MASP1: variants seen among roughly 807,000 people sequenced by gnomAD.
MASP1 encodes mannan-binding lectin serine protease 1.
Under a neutral mutation model 77.1 loss-of-function variants are expected in MASP1, and 59 were observed. The observed-to-expected ratio is 0.77, with a 90% CI of 0.62 to 0.95. The LOEUF (loss-of-function observed/expected upper bound fraction) is 0.95, where lower values mean the gene tolerates loss of function less well. MASP1 is among the 40% of genes least tolerant of loss of function. MASP1 has a pLI of 0.00. For synonymous variants in MASP1, 362 were observed against 354.5 expected, an observed-to-expected ratio of 1.02 and a Z score of -0.24; for missense variants, 885 against 912.9, an observed-to-expected ratio of 0.97 and a Z score of 0.39.
chr3:187,223,878 T>C (rs973163344), intron 13 of MASP1, among the ~76,000 whole-genome samples: 5 of 152,244 alleles, frequency 3.3e-5, no homozygotes, highest in Non-Finnish European at 7.3e-5. Context: ...ACAAGCTGCA[T>C]CTCGGGTGAG....
intron 8 of MASP1, chr3:187,247,501 T>C (rs1449183758): frequency 9.9e-6 from 11 of 1,109,750 alleles, no homozygotes; most frequent in African/African-American, 1.5e-5. Context: ...ATGCAGGAAA[T>C]ACAGAAATTA....
intron 2 of MASP1, among the ~76,000 whole-genome samples, chr3:187,272,067 T>C (rs529423958): frequency 6.7e-6 from 1 of 149,584 alleles, no homozygotes; most frequent in African/African-American, 2.5e-5. Flanking sequence ...TTTGTGACTG[T>C]GAAGTCCAAG....
At chr3:187,244,531 T>A (rs2108527296) in intron 8 of MASP1, 1 of 152,320 alleles carries the variant, frequency 6.6e-6, no homozygotes, top group African/African-American at 2.4e-5. Flanking sequence ...GAATCATAGA[T>A]GAATCATAGA....
downstream of MASP1, among the ~76,000 whole-genome samples, chr3:187,231,055 G>A (rs1011617784): frequency 6.6e-6 from 1 of 152,202 alleles, no homozygotes; most frequent in Non-Finnish European, 1.5e-5. Flanking sequence ...CCCACAGCCA[G>A]CTTCCCCAAG....
chr3:187,220,350 T>C (rs1374910022), intron 15 of MASP1: 10 of 1,252,484 alleles, frequency 8.0e-6, no homozygotes, highest in Non-Finnish European at 9.1e-6. Flanking sequence ...GTTCAGAGAA[T>C]TGGGCACTAG....
At chr3:187,246,130 T>C (rs534980067) in intron 8 of MASP1, among the ~76,000 whole-genome samples, 2 of 152,216 alleles carry the variant, frequency 1.3e-5, no homozygotes, top group South Asian at 4.1e-4. Flanking sequence ...GTCCATGCTC[T>C]GGCCACCCTG....
At chr3:187,233,317 T>C (rs1281376969), downstream of MASP1, among the ~76,000 whole-genome samples, 3 of 152,144 alleles carry the variant, frequency 2.0e-5, no homozygotes, top group Non-Finnish European at 4.4e-5. Flanking sequence ...AAATAGAGCA[T>C]GCCCTTTAAA....
intron 2 of MASP1, among the ~76,000 whole-genome samples, chr3:187,268,899 T>G (rs1716282949): frequency 6.6e-6 from 1 of 152,068 alleles, no homozygotes; most frequent in African/African-American, 2.4e-5. Context: ...GCCCCATCTC[T>G]ACCAAAAATA....
chr3:187,229,854 G>A (rs1712661535), downstream of MASP1: 2 of 1,614,060 alleles, frequency 1.2e-6, no homozygotes, highest in African/African-American at 1.3e-5. Context: ...GTCCATTGAA[G>A]ATCCTGGCCA....
chr3:187,254,377 T>C (rs181605143), intron 5 of MASP1, among the ~76,000 whole-genome samples: 30 of 152,200 alleles, frequency 2.0e-4, no homozygotes, highest in Admixed American at 2.0e-4. Context: ...TGAGCCTATT[T>C]GAAGAGAAGG....
At chr3:187,277,671 G>A (rs1717070118) in intron 2 of MASP1, among the ~76,000 whole-genome samples, 1 of 152,116 alleles carries the variant, frequency 6.6e-6, no homozygotes. Context: ...AGAAGAGCAG[G>A]GATTCAAGCC....
At chr3:187,283,827 A>G (rs1273082344) in intron 2 of MASP1, among the ~76,000 whole-genome samples, 1 of 152,208 alleles carries the variant, frequency 6.6e-6, no homozygotes, top group African/African-American at 2.4e-5. Context: ...AAAGAATGCC[A>G]TGATTTTGTG....
rs571832320 is a variant in MASP1 at position 187,262,054 on chromosome 3, A to C, written c.415+489T>G. Among the ~76,000 whole-genome samples, 5 of 152,318 alleles carry C rather than the reference A, an allele frequency of 3.3e-5. No homozygotes were observed. In the East Asian group the frequency reaches 9.6e-4, roughly 29 times the overall value. On this transcript the variant is annotated intron_variant, in intron 3 of 10. Coordinates refer to ENST00000296280, the MANE Select transcript of MASP1 (RefSeq NM_139125.4). Reference sequence around the variant, plus strand: ...TCTACAGCAGAAAAAAAATCAAAACAGTTGTTTCCTCTAAGGGAAGTGGGA... The same window carrying C: ...TCTACAGCAGAAAAAAAATCAAAACCGTTGTTTCCTCTAAGGGAAGTGGGA...
chr3:187,268,791 G>T (rs1489067139), intron 2 of MASP1, among the ~76,000 whole-genome samples: 1 of 152,212 alleles, frequency 6.6e-6, no homozygotes, highest in African/African-American at 2.4e-5. Flanking sequence ...TTAAGGCCGG[G>T]TGTGGTGGCT....
intron 7 of MASP1, 168 bp downstream of exon 7, chr3:187,251,466 G>T: frequency 1.5e-6 from 1 of 660,608 alleles, no homozygotes. Flanking sequence ...GAGACCGCCT[G>T]GGACGCATGC....
intron 13 of MASP1, among the ~76,000 whole-genome samples, chr3:187,224,595 C>G (rs1315767032): frequency 6.6e-6 from 1 of 152,030 alleles, no homozygotes; most frequent in Non-Finnish European, 1.5e-5. Flanking sequence ...ATCCGCCCGC[C>G]TCGGCCTCCC....
chr3:187,252,745 C>T (rs183842155), intron 6 of MASP1, among the ~76,000 whole-genome samples: 1 of 152,102 alleles, frequency 6.6e-6, no homozygotes, highest in Non-Finnish European at 1.5e-5. Flanking sequence ...TGATGGGGGG[C>T]CCACAAGGAG....
At chr3:187,220,510 T>TG (rs1397299498) in intron 15 of MASP1, among the ~76,000 whole-genome samples, 1 of 148,538 alleles carries the variant, frequency 6.7e-6, no homozygotes, top group African/African-American at 2.5e-5. Context: ...TTTTTTTTTT[T>TG]TTTGAGATGG....
At position 187,234,628 on chromosome 3, in the gene MASP1, G is replaced by C. The variant is rs1170633724; in HGVS notation, c.*1056C>G. ...AGTGGGTCCCTCTGAACATCCTGCG[G>C]GGTGGATTCTCCGCCCAGCTCATGC... On this transcript the variant is annotated 3_prime_UTR_variant, in exon 11 of 11. Transcript: ENST00000296280. The C allele has an allele frequency of 1.6e-6, 2 of 1,287,100 alleles. No individual in the cohort carries two copies. The highest frequency in any genetic ancestry group is 1.2e-5 in the South Asian group (1 of 80,938). The allele number at this position is 1,287,100 out of a possible 1,614,324, so 79.7% of individuals were successfully genotyped here.
Sources: gnomAD v4.1 joint callset for allele counts (sites outside exome capture counted in the v4.1 genomes callset) on GRCh38, gnomAD v4.1.1 for gene constraint, MANE v1.5 for transcripts, NCBI Gene and HGNC (gene_info 2026-07-23, HGNC 2026-07-21) for gene names.